Variants in ZNF385D observed in about 807,000 individuals in gnomAD.
The protein encoded by ZNF385D is zinc finger protein 385D.
A neutral mutation model predicts 35.8 loss-of-function variants in ZNF385D; 15 were observed. That is an observed-to-expected ratio of 0.42 (90% CI 0.28 to 0.64). The LOEUF is 0.64. Among genes scored for constraint, ZNF385D ranks in the 30% least tolerant of loss-of-function variants. ZNF385D has a pLI of 0.23. For missense variants in ZNF385D, 474 were observed against 494.6 expected, an observed-to-expected ratio of 0.96 and a Z score of 0.39; for synonymous variants, 212 against 186.8, an observed-to-expected ratio of 1.13 and a Z score of -1.10.
At chr3:22,249,494 A>G (rs533562576) in intron 2 of ZNF385D, among the ~76,000 whole-genome samples, 2 of 152,300 alleles carry the variant, frequency 1.3e-5, no homozygotes, top group Admixed American at 6.5e-5. Context: ...ATCTGTATTT[A>G]AAGAAGTAAT....
intron 3 of ZNF385D, among the ~76,000 whole-genome samples, chr3:22,001,522 C>A (rs1231481910): frequency 6.6e-6 from 1 of 151,970 alleles, no homozygotes; most frequent in Non-Finnish European, 1.5e-5. Context: ...GAAATAGAGT[C>A]CAATTTCAAT....
intron 3 of ZNF385D, among the ~76,000 whole-genome samples, chr3:21,785,845 C>G: frequency 6.6e-6 from 1 of 152,166 alleles, no homozygotes; most frequent in East Asian, 1.9e-4. Flanking sequence ...ATTTGACTAA[C>G]TGTACTGAAT....
intron 1 of ZNF385D, among the ~76,000 whole-genome samples, chr3:21,726,892 G>A (rs1322993569): frequency 6.6e-6 from 1 of 152,128 alleles, no homozygotes; most frequent in African/African-American, 2.4e-5. Flanking sequence ...GAACAAAGCT[G>A]GAGACATTAC....
intron 2 of ZNF385D, among the ~76,000 whole-genome samples, chr3:22,308,060 G>C (rs1321355248): frequency 6.6e-6 from 1 of 152,068 alleles, no homozygotes; most frequent in African/African-American, 2.4e-5. Flanking sequence ...CAAAAGATTA[G>C]AGCAGGAGGT....
intron 3 of ZNF385D, among the ~76,000 whole-genome samples, chr3:21,895,645 G>A (rs974302390): frequency 2.0e-5 from 3 of 151,726 alleles, no homozygotes; most frequent in African/African-American, 7.3e-5. Flanking sequence ...CTGGCCCACT[G>A]AAGTGTTTTT....
At chr3:21,478,150 A>T (rs1417509865) in intron 4 of ZNF385D, among the ~76,000 whole-genome samples, 1 of 152,196 alleles carries the variant, frequency 6.6e-6, no homozygotes, top group Admixed American at 6.6e-5. Context: ...TATAGTATTC[A>T]TAACTTCAGC....
intron 3 of ZNF385D, among the ~76,000 whole-genome samples, chr3:21,513,338 G>A (rs1438204509): frequency 1.3e-5 from 2 of 152,162 alleles, no homozygotes; most frequent in Non-Finnish European, 2.9e-5. Context: ...GGGAAGAACA[G>A]GGTGACAAAA....
At chr3:22,033,569 T>C (rs1158670270) in intron 3 of ZNF385D, among the ~76,000 whole-genome samples, 1 of 151,668 alleles carries the variant, frequency 6.6e-6, no homozygotes, top group Admixed American at 6.6e-5. Flanking sequence ...CAGAAGGAGG[T>C]AGTATCTATC....
chr3:21,661,433 T>C (rs905940864), intron 2 of ZNF385D, among the ~76,000 whole-genome samples: 1 of 152,218 alleles, frequency 6.6e-6, no homozygotes, highest in African/African-American at 2.4e-5. Context: ...CACATAATGA[T>C]GCAGCTGCTG....
intron 3 of ZNF385D, among the ~76,000 whole-genome samples, chr3:22,069,128 T>A (rs1362474878): frequency 1.3e-5 from 2 of 152,174 alleles, no homozygotes; most frequent in Non-Finnish European, 2.9e-5. Context: ...TTATAAAAAT[T>A]AACATTTTAA....
At chr3:21,590,763 A>G (rs1306649170) in intron 2 of ZNF385D, among the ~76,000 whole-genome samples, 3 of 152,130 alleles carry the variant, frequency 2.0e-5, no homozygotes, top group Non-Finnish European at 4.4e-5. Flanking sequence ...TGCCTAATCA[A>G]TGAGAAAACC....
intron 2 of ZNF385D, among the ~76,000 whole-genome samples, chr3:22,213,929 A>T (rs57519816): frequency 0.035 from 5,392 of 152,114 alleles, 290 homozygotes; most frequent in African/African-American, 0.12. Flanking sequence ...GAGCAATAAA[A>T]TTTAGTTTAT....
intron 2 of ZNF385D, among the ~76,000 whole-genome samples, chr3:22,258,881 G>A (rs1257956230): frequency 1.3e-5 from 2 of 151,704 alleles, no homozygotes; most frequent in Non-Finnish European, 2.9e-5. Flanking sequence ...TATTCAATCT[G>A]CTATAATATA....
intron 3 of ZNF385D, among the ~76,000 whole-genome samples, chr3:21,781,995 C>T (rs1443082917): frequency 6.6e-6 from 1 of 152,134 alleles, no homozygotes; most frequent in Non-Finnish European, 1.5e-5. Flanking sequence ...ACTTCACTTT[C>T]ATGGCTTTCC....
At chr3:21,541,226 C>A (rs2062167725) in intron 3 of ZNF385D, among the ~76,000 whole-genome samples, 1 of 152,096 alleles carries the variant, frequency 6.6e-6, no homozygotes, top group Non-Finnish European at 1.5e-5. Flanking sequence ...GAGAATAAAA[C>A]CAAATCACCA....
chr3:21,947,413 C>G (rs1256450400), intron 3 of ZNF385D, among the ~76,000 whole-genome samples: 2 of 151,976 alleles, frequency 1.3e-5, no homozygotes, highest in African/African-American at 4.8e-5. Context: ...TGCAATGGCA[C>G]AATCTCGTCT....
chr3:21,807,669 A>G (rs1019856500), intron 3 of ZNF385D, among the ~76,000 whole-genome samples: 3 of 152,182 alleles, frequency 2.0e-5, no homozygotes, highest in Admixed American at 2.0e-4. Flanking sequence ...ATAAAATGGA[A>G]TTATGGTGAA....
chr3:21,658,755 C>T (rs2066149389), intron 2 of ZNF385D, among the ~76,000 whole-genome samples: 4 of 151,924 alleles, frequency 2.6e-5, no homozygotes, highest in Admixed American at 2.6e-4. Context: ...TTTCCTTGGC[C>T]ACCTCCAAGT....
chr3:21,760,569 A>G (rs1269974005), intron 3 of ZNF385D, among the ~76,000 whole-genome samples: 1 of 152,192 alleles, frequency 6.6e-6, no homozygotes, highest in Non-Finnish European at 1.5e-5. Flanking sequence ...TAAATATCTA[A>G]TCCATCTCCA....
Sources: gnomAD v4.1 joint callset for allele counts (sites outside exome capture counted in the v4.1 genomes callset) on GRCh38, gnomAD v4.1.1 for gene constraint, MANE v1.5 for transcripts, NCBI Gene and HGNC (gene_info 2026-07-23, HGNC 2026-07-21) for gene names.